Variants in PALM2AKAP2 observed in about 807,000 individuals in gnomAD.
PALM2AKAP2 encodes PALM2-AKAP2 fusion protein.
A neutral mutation model predicts 71.5 loss-of-function variants in PALM2AKAP2; 37 were observed. That is an observed-to-expected ratio of 0.52 (90% confidence interval 0.40 to 0.68). The LOEUF is 0.68. PALM2AKAP2 is among the 30% of genes least tolerant of loss of function. The pLI is 0.00. For synonymous variants in PALM2AKAP2, 468 were observed against 478.8 expected, an observed-to-expected ratio of 0.98 and a Z score of 0.29; for missense variants, 1,224 against 1,191.8, an observed-to-expected ratio of 1.03 and a Z score of -0.40.
At chr9:109,684,311 C>T (rs566257178) in intron 1 of PALM2AKAP2, among the ~76,000 whole-genome samples, 54 of 152,248 alleles carry the variant, frequency 3.5e-4, no homozygotes, top group Middle Eastern at 6.8e-3. Flanking sequence ...TCTGGCTATG[C>T]GTTGGAACCA....
intron 1 of PALM2AKAP2, among the ~76,000 whole-genome samples, chr9:110,068,495 T>C (rs1834132830): frequency 6.8e-6 from 1 of 146,696 alleles, no homozygotes; most frequent in African/African-American, 2.7e-5. Flanking sequence ...TTTTCTCTAC[T>C]GAGGGCAAAA....
At chr9:109,842,555 C>A (rs1461580620) in intron 1 of PALM2AKAP2, among the ~76,000 whole-genome samples, 2 of 152,050 alleles carry the variant, frequency 1.3e-5, no homozygotes, top group African/African-American at 2.4e-5. Context: ...GAATTAAAAG[C>A]TAATTAAAAT....
chr9:109,990,001 A>T (rs1359877), intron 6 of PALM2AKAP2, among the ~76,000 whole-genome samples: 1 of 152,094 alleles, frequency 6.6e-6, no homozygotes, highest in Non-Finnish European at 1.5e-5. Flanking sequence ...AATTTCGGGA[A>T]TAACAAACTC....
chr9:109,996,628 G>A (rs7869111), intron 6 of PALM2AKAP2, among the ~76,000 whole-genome samples: 1 of 152,134 alleles, frequency 6.6e-6, no homozygotes, highest in African/African-American at 2.4e-5. Flanking sequence ...TTGAGGGTAG[G>A]GTGTTGAAAC....
At chr9:110,096,979 AT>A (rs1834862522) in intron 1 of PALM2AKAP2, among the ~76,000 whole-genome samples, 3 of 146,252 alleles carry the variant, frequency 2.1e-5, no homozygotes, top group Admixed American at 2.0e-4. Context: ...TTTATTGATC[AT>A]TCTTGGGTGT....
intron 1 of PALM2AKAP2, among the ~76,000 whole-genome samples, chr9:109,679,139 A>G (rs188641334): frequency 6.8e-4 from 104 of 152,316 alleles, no homozygotes; most frequent in African/African-American, 2.4e-3. Context: ...AGTTTTCCAG[A>G]TTATGTATTG....
At chr9:110,105,841 G>A (rs187642076) in intron 1 of PALM2AKAP2, among the ~76,000 whole-genome samples, 10 of 152,200 alleles carry the variant, frequency 6.6e-5, no homozygotes, top group South Asian at 2.1e-4. Flanking sequence ...TTAATTTTGC[G>A]TTTAAGTCTA....
upstream of PALM2AKAP2, among the ~76,000 whole-genome samples, chr9:109,775,671 A>G (rs75460147): frequency 0.014 from 2,198 of 152,346 alleles, 63 homozygotes; most frequent in African/African-American, 0.05. Flanking sequence ...CTTTTGTCCA[A>G]GGGAAGCTTC....
At chr9:110,006,354 C>CTTTCTTTCTTTCTT (rs1832784813) in intron 6 of PALM2AKAP2, among the ~76,000 whole-genome samples, 2 of 132,156 alleles carry the variant, frequency 1.5e-5, no homozygotes, top group Non-Finnish European at 3.2e-5. Context: ...TTCTTTCTTT[C>CTTTCTTTCTTTCTT]TTTCTTTCTT....
intron 3 of PALM2AKAP2, among the ~76,000 whole-genome samples, chr9:109,909,346 G>C (rs1251235751): frequency 6.6e-6 from 1 of 152,168 alleles, no homozygotes; most frequent in Non-Finnish European, 1.5e-5. Context: ...ATTTGAATTT[G>C]TTCTTTTAAG....
At chr9:110,125,342 T>G (rs1332929044) in intron 1 of PALM2AKAP2, among the ~76,000 whole-genome samples, 1 of 152,218 alleles carries the variant, frequency 6.6e-6, no homozygotes, top group Non-Finnish European at 1.5e-5. Flanking sequence ...AGGCCGGGCC[T>G]GCTCTGGCTG....
At chr9:109,733,561 CTG>C (rs1265509386) in intron 1 of PALM2AKAP2, among the ~76,000 whole-genome samples, 1 of 152,188 alleles carries the variant, frequency 6.6e-6, no homozygotes, top group Admixed American at 6.5e-5. Flanking sequence ...CGTTTTCAAT[CTG>C]TGTGTAGGGC....
At chr9:110,121,192 C>T (rs1467637410) in intron 1 of PALM2AKAP2, among the ~76,000 whole-genome samples, 1 of 152,196 alleles carries the variant, frequency 6.6e-6, no homozygotes, top group African/African-American at 2.4e-5. Flanking sequence ...ACACTTTACT[C>T]CAATCAGGGA....
intron 3 of PALM2AKAP2, among the ~76,000 whole-genome samples, chr9:109,895,185 CA>C (rs1440547057): frequency 2.0e-5 from 3 of 152,226 alleles, no homozygotes; most frequent in Non-Finnish European, 2.9e-5. Flanking sequence ...CAGGGAATCA[CA>C]GATTCCAAAT....
intron 1 of PALM2AKAP2, among the ~76,000 whole-genome samples, chr9:110,067,480 A>G (rs1834106128): frequency 6.6e-6 from 1 of 152,214 alleles, no homozygotes; most frequent in Non-Finnish European, 1.5e-5. Flanking sequence ...ACTTCAAGGC[A>G]ATTGAATGCA....
At chr9:109,883,754 G>A (rs192774646) in intron 3 of PALM2AKAP2, among the ~76,000 whole-genome samples, 6 of 152,276 alleles carry the variant, frequency 3.9e-5, no homozygotes, top group East Asian at 1.9e-4. Flanking sequence ...AGCACCCTAC[G>A]GTGTTACAAA....
chr9:109,951,527 G>A (rs931994027), intron 6 of PALM2AKAP2, among the ~76,000 whole-genome samples: 7 of 152,198 alleles, frequency 4.6e-5, no homozygotes, highest in East Asian at 1.9e-4. Flanking sequence ...TGCCACTAGC[G>A]GACTTCAGGC....
chr9:110,066,264 C>G (rs193174623), intron 1 of PALM2AKAP2, among the ~76,000 whole-genome samples: 1 of 152,328 alleles, frequency 6.6e-6, no homozygotes, highest in East Asian at 1.9e-4. Context: ...GGAGCCCAAG[C>G]TGAAATCCTG....
chr9:110,032,904 G>A (rs1833313145), intron 7 of PALM2AKAP2, among the ~76,000 whole-genome samples: 1 of 151,752 alleles, frequency 6.6e-6, no homozygotes, highest in Non-Finnish European at 1.5e-5. Flanking sequence ...CCACTGCACT[G>A]TAGCCTGGGT....
Sources: allele counts gnomAD v4.1 joint callset (sites outside exome capture counted in the v4.1 genomes callset), GRCh38; gene constraint gnomAD v4.1.1; transcripts MANE v1.5; gene names NCBI Gene and HGNC (gene_info 2026-07-23, HGNC 2026-07-21).